FSTL1: variants seen among roughly 807,000 people sequenced by gnomAD.
The protein encoded by FSTL1 is follistatin-related protein 1.
A neutral mutation model predicts 45.9 loss-of-function variants in FSTL1; 24 were observed. The observed-to-expected ratio is 0.52, with a 90% confidence interval of 0.38 to 0.74. The LOEUF is 0.74. Ranked by LOEUF, FSTL1 falls within the 30% of genes least tolerant of loss-of-function variation. The pLI is 0.00. For synonymous variants in FSTL1, 120 were observed against 137.6 expected (o/e 0.87, Z 0.89); for missense variants, 340 against 381.8 (o/e 0.89, Z 0.91).
chr3:120,439,057 T>TA (rs1351283650), intron 2 of FSTL1, among the ~76,000 whole-genome samples: 2 of 152,122 alleles, frequency 1.3e-5, no homozygotes, highest in Non-Finnish European at 2.9e-5. Context: ...CAGATTGTGC[T>TA]AAAAAGGCAC....
intron 2 of FSTL1, among the ~76,000 whole-genome samples, chr3:120,440,423 A>C (rs1229588106): frequency 1.3e-5 from 2 of 152,226 alleles, no homozygotes; most frequent in African/African-American, 4.8e-5. Flanking sequence ...TCCACAAGAC[A>C]CAGTGACTAT....
intron 7 of FSTL1, among the ~76,000 whole-genome samples, chr3:120,403,934 A>AAAAAAAAAAAC (rs1936884901): frequency 7.7e-6 from 1 of 129,526 alleles, no homozygotes; most frequent in Admixed American, 7.8e-5. Flanking sequence ...AAAAAAAAAA[A>AAAAAAAAAAAC]AAAAAAAAAA....
intron 2 of FSTL1, among the ~76,000 whole-genome samples, chr3:120,426,453 T>C (rs1266764201): frequency 1.3e-5 from 2 of 152,132 alleles, no homozygotes; most frequent in African/African-American, 4.8e-5. Context: ...GCAGATGAGA[T>C]GGATATCGCC....
At chr3:120,409,207 A>G (rs1394199410) in intron 6 of FSTL1, among the ~76,000 whole-genome samples, 1 of 152,228 alleles carries the variant, frequency 6.6e-6, no homozygotes, top group Non-Finnish European at 1.5e-5. Flanking sequence ...ATTTTGTATT[A>G]ACAGCCAGAT....
chr3:120,410,630 G>T (rs1576212418), intron 5 of FSTL1: 2 of 433,900 alleles, frequency 4.6e-6, no homozygotes, highest in East Asian at 5.5e-5. Context: ...CTATTTGCTG[G>T]TCCCATGACA....
At chr3:120,417,371 T>C (rs548528244) in intron 2 of FSTL1, among the ~76,000 whole-genome samples, 1 of 152,388 alleles carries the variant, frequency 6.6e-6, no homozygotes, top group South Asian at 2.1e-4. Flanking sequence ...GAGGCTGCTC[T>C]GCAAACTCCA....
chr3:120,416,706 C>T (rs933578435), intron 2 of FSTL1, among the ~76,000 whole-genome samples: 28 of 152,142 alleles, frequency 1.8e-4, no homozygotes, highest in African/African-American at 6.8e-4. Context: ...GCTATTTTTG[C>T]TATGGTCCCA....
chr3:120,408,871 T>C (rs911020269), intron 6 of FSTL1, among the ~76,000 whole-genome samples: 2 of 152,210 alleles, frequency 1.3e-5, no homozygotes, highest in Non-Finnish European at 2.9e-5. Flanking sequence ...AATTGCTTCT[T>C]CTAACTCTCA....
chr3:120,405,031 A>G, intron 6 of FSTL1, 60 bp from the exon 7 acceptor site: 1 of 877,140 alleles, frequency 1.1e-6, no homozygotes, highest in Non-Finnish European at 2.0e-6. Context: ...TTCCATCATT[A>G]CTCCACTCAG....
At chr3:120,446,078 A>C (rs1447795587) in intron 2 of FSTL1, among the ~76,000 whole-genome samples, 1 of 138,586 alleles carries the variant, frequency 7.2e-6, no homozygotes, top group Non-Finnish European at 1.5e-5. Context: ...CATTAAGCTA[A>C]TAAAATTTAT....
chr3:120,427,841 T>C (rs1937407773), intron 2 of FSTL1, among the ~76,000 whole-genome samples: 2 of 152,120 alleles, frequency 1.3e-5, no homozygotes, highest in Non-Finnish European at 2.9e-5. Context: ...AATGTGGGAA[T>C]GTGGGGTATC....
At chr3:120,400,983 C>A (rs1438417786) in intron 9 of FSTL1, among the ~76,000 whole-genome samples, 2 of 152,224 alleles carry the variant, frequency 1.3e-5, no homozygotes, top group African/African-American at 4.8e-5. Context: ...TGAAGCTGAT[C>A]ATTTGAATTT....
In FSTL1 at chr3:120,432,420, G is replaced by A. The variant is rs74873010; in HGVS notation, c.64-16393C>T. ...GGCTGACAGGAGGCCCACCAATGAG[G>A]GACTGCCAGGTATTCCGTTCCGCTG... On this transcript the variant is annotated intron_variant, in intron 2 of 10. Coordinates refer to ENST00000295633, the MANE Select transcript of FSTL1 (RefSeq NM_007085.5). Among the ~76,000 whole-genome samples the A allele has an allele frequency of 2.2e-3, 330 of 152,088 alleles. 7 individuals carry two copies. In the East Asian group the frequency reaches 0.058, roughly 27 times the overall value.
intron 2 of FSTL1, among the ~76,000 whole-genome samples, chr3:120,428,772 C>CAAT (rs1260266814): frequency 2.0e-5 from 3 of 148,056 alleles, no homozygotes; most frequent in South Asian, 2.2e-4. Context: ...ACAACAACAA[C>CAAT]AAAAAACAGG....
At chr3:120,402,567 G>A (rs184804060) in intron 9 of FSTL1, among the ~76,000 whole-genome samples, 54 of 151,598 alleles carry the variant, frequency 3.6e-4, no homozygotes, top group Admixed American at 9.9e-4. Flanking sequence ...TTTGCCCAGG[G>A]TCTTGGTCCT....
chr3:120,413,941 G>C, intron 3 of FSTL1, among the ~76,000 whole-genome samples: 1 of 152,036 alleles, frequency 6.6e-6, no homozygotes, highest in Non-Finnish European at 1.5e-5. Flanking sequence ...GCAGGCTTGC[G>C]CCGCCATGCC....
intron 3 of FSTL1, among the ~76,000 whole-genome samples, chr3:120,415,122 CAAA>C (rs36113603): frequency 2.5e-5 from 3 of 122,232 alleles, no homozygotes; most frequent in South Asian, 2.5e-4. Context: ...GTTTGTTTTT[CAAA>C]AAAAAAAAAA....
intron 2 of FSTL1, among the ~76,000 whole-genome samples, chr3:120,418,659 C>T (rs929973897): frequency 1.3e-5 from 2 of 152,190 alleles, no homozygotes; most frequent in Non-Finnish European, 2.9e-5. Context: ...AAGAGTGCGT[C>T]AGAGATTTAG....
intron 2 of FSTL1, chr3:120,419,213 T>G (rs1312957711): frequency 1.3e-5 from 2 of 152,306 alleles, no homozygotes; most frequent in African/African-American, 4.8e-5. Context: ...ATAGGGTGGC[T>G]GCTCCAAAAA....
Sources: gnomAD v4.1 joint callset for allele counts (sites outside exome capture counted in the v4.1 genomes callset) on GRCh38, gnomAD v4.1.1 for gene constraint, MANE v1.5 for transcripts, NCBI Gene and HGNC (gene_info 2026-07-23, HGNC 2026-07-21) for gene names.